Variants in SUGCT observed in about 807,000 individuals in gnomAD.
The protein encoded by SUGCT is succinyl-CoA:glutarate CoA-transferase.
SUGCT carries 41 observed loss-of-function variants against 55.0 expected under a neutral mutation model. That is an observed-to-expected ratio of 0.74 (90% CI 0.58 to 0.97). The LOEUF is 0.97. SUGCT is among the 50% of genes least tolerant of loss of function. The probability of loss-of-function intolerance (pLI) is 0.00; values close to 1 mark genes in which losing one functional copy is unlikely to be tolerated. For missense variants in SUGCT, 568 were observed against 547.8 expected (o/e 1.04, Z -0.37); for synonymous variants, 187 against 200.4 (o/e 0.93, Z 0.56).
At chr7:40,953,235 T>G in the SUGCT span, among the ~76,000 whole-genome samples, 7 of 152,240 alleles carry the variant, frequency 4.6e-5, no homozygotes, top group Admixed American at 4.6e-4. Context: ...TTCTTCCAGT[T>G]GATCGAATCG....
intron 13 of SUGCT, among the ~76,000 whole-genome samples, chr7:40,766,364 C>T (rs1310013021): frequency 6.6e-6 from 1 of 152,134 alleles, no homozygotes; most frequent in Non-Finnish European, 1.5e-5. Flanking sequence ...ACACATGCCA[C>T]CACACCCAGC....
At chr7:40,482,616 G>A (rs1167967121) in intron 11 of SUGCT, among the ~76,000 whole-genome samples, 4 of 152,126 alleles carry the variant, frequency 2.6e-5, no homozygotes, top group Admixed American at 1.3e-4. Context: ...ACCAGACGTC[G>A]GTAATGTGGG....
intron 9 of SUGCT, among the ~76,000 whole-genome samples, chr7:40,355,030 G>T (rs867577555): frequency 9.2e-5 from 14 of 152,014 alleles, no homozygotes; most frequent in African/African-American, 3.1e-4. Context: ...TCATTAGTTT[G>T]GCTCCTGCCT....
rs370928970 is a variant in SUGCT at position 40,324,226 on chromosome 7, CATAT to C, written c.816+7377_816+7380del. The stretch of plus-strand genomic sequence containing the variant: ...ATACTTCATAGGATAAGCAGATGAT[CATAT>C]ATATAAATAAATAAATAAATAAATA... On this transcript the variant is annotated intron_variant, in intron 9 of 13. Transcript: ENST00000335693. Among the ~76,000 whole-genome samples the C allele has an allele frequency of 4.2e-3, 335 of 79,316 alleles. 15 individuals are homozygous for C. Among genetic ancestry groups the C allele is most frequent in the African/African-American group, 0.011 (244 of 22,258 alleles). The allele number at this position is 79,316 out of a possible 152,430, so 52.0% of individuals were successfully genotyped here.
chr7:40,356,475 GT>G (rs1262269521), intron 9 of SUGCT, among the ~76,000 whole-genome samples: 1 of 152,242 alleles, frequency 6.6e-6, no homozygotes, highest in East Asian at 1.9e-4. Context: ...GTGCTGTGTA[GT>G]GAGTGGAGTG....
the SUGCT span, among the ~76,000 whole-genome samples, chr7:40,882,967 A>G: frequency 6.6e-6 from 1 of 152,158 alleles, no homozygotes; most frequent in Non-Finnish European, 1.5e-5. Flanking sequence ...TGCTTCTAGT[A>G]TATGTGGATC....
Position 40,645,234 on chromosome 7 carries a change from G to A in SUGCT, c.1090-104200G>A, listed in dbSNP as rs1485531006. ...CTGCTCTGCCTAAAATGTCCTCATC[G>A]CTCTTAGGGAGTTGGACAAGGAGAT... is the stretch of plus-strand genomic sequence containing the variant. On this transcript the variant is annotated intron_variant, in intron 12 of 13. Coordinates refer to ENST00000335693, the MANE Select transcript of SUGCT (RefSeq NM_001193313.2). Among the ~76,000 whole-genome samples, 5 of 152,068 alleles carry A rather than the reference G, an allele frequency of 3.3e-5. No individual in the cohort carries two copies. In the East Asian group the frequency reaches 5.8e-4, roughly 18 times the overall value.
At chr7:40,223,251 G>A (rs2150832852) in intron 6 of SUGCT, among the ~76,000 whole-genome samples, 1 of 152,128 alleles carries the variant, frequency 6.6e-6, no homozygotes, top group South Asian at 2.1e-4. Context: ...AATAGAGATG[G>A]GGTTTCACCA....
At chr7:40,420,803 A>C (rs1039495021) in intron 9 of SUGCT, among the ~76,000 whole-genome samples, 3 of 151,540 alleles carry the variant, frequency 2.0e-5, no homozygotes, top group African/African-American at 7.3e-5. Flanking sequence ...ACACACACAG[A>C]CACACACACA....
At chr7:40,587,872 C>T (rs946122050) in intron 12 of SUGCT, among the ~76,000 whole-genome samples, 2 of 151,134 alleles carry the variant, frequency 1.3e-5, no homozygotes, top group Non-Finnish European at 2.9e-5. Context: ...TTTATATCCT[C>T]CTTTTATATT....
At chr7:40,948,609 C>T in the SUGCT span, among the ~76,000 whole-genome samples, 1 of 151,990 alleles carries the variant, frequency 6.6e-6, no homozygotes, top group South Asian at 2.1e-4. Flanking sequence ...TCCCCTTTCC[C>T]CCACCCGCCG....
chr7:40,938,621 C>T, the SUGCT span, among the ~76,000 whole-genome samples: 1 of 151,086 alleles, frequency 6.6e-6, no homozygotes, highest in African/African-American at 2.4e-5. Context: ...TACATTGTAC[C>T]CAATATCTAT....
chr7:40,259,359 A>G lies in SUGCT; in HGVS notation c.577-15154A>G, dbSNP rs145341439. Among the ~76,000 whole-genome samples the G allele has an allele frequency of 6.5e-3, 989 of 152,256 alleles. 10 individuals carry two copies. Among genetic ancestry groups the G allele is most frequent in the African/African-American group, 0.023 (950 of 41,532 alleles). ...AATGCAGCTTGAGGGATACATATAT[A>G]CTGAGGGTCAATTTGCATATATTTG... On this transcript the variant is annotated intron_variant, in intron 7 of 13. Coordinates refer to ENST00000335693, the MANE Select transcript of SUGCT (RefSeq NM_001193313.2).
At chr7:41,011,535 A>C in the SUGCT span, among the ~76,000 whole-genome samples, 18 of 152,372 alleles carry the variant, frequency 1.2e-4, no homozygotes, top group Middle Eastern at 3.4e-3. Context: ...GCAGAAACTC[A>C]GACCATACCC....
chr7:40,566,011 A>G (rs184816480), intron 12 of SUGCT, among the ~76,000 whole-genome samples: 14 of 147,712 alleles, frequency 9.5e-5, no homozygotes, highest in East Asian at 8.3e-4. Flanking sequence ...ACACACACAC[A>G]CACACACACA....
intron 6 of SUGCT, among the ~76,000 whole-genome samples, chr7:40,220,403 A>G (rs916357430): frequency 2.0e-5 from 3 of 152,200 alleles, no homozygotes; most frequent in Admixed American, 1.3e-4. Context: ...CAACTTGACT[A>G]TATCAGGAGG....
intron 12 of SUGCT, among the ~76,000 whole-genome samples, chr7:40,669,906 A>G (rs1801848736): frequency 6.6e-6 from 1 of 151,986 alleles, no homozygotes; most frequent in East Asian, 1.9e-4. Context: ...AGCTCACCAA[A>G]TTTGTTAAGA....
the SUGCT span, among the ~76,000 whole-genome samples, chr7:40,986,971 A>G: frequency 6.6e-6 from 1 of 152,198 alleles, no homozygotes; most frequent in Non-Finnish European, 1.5e-5. Flanking sequence ...TTGCACTTAC[A>G]TAATCTGTAT....
intron 12 of SUGCT, among the ~76,000 whole-genome samples, chr7:40,673,842 G>A (rs1216459768): frequency 6.6e-6 from 1 of 152,116 alleles, no homozygotes; most frequent in Non-Finnish European, 1.5e-5. Flanking sequence ...TTGTGACTTT[G>A]TACTGTTGGA....
Sources: allele counts gnomAD v4.1 joint callset (sites outside exome capture counted in the v4.1 genomes callset), GRCh38; gene constraint gnomAD v4.1.1; transcripts MANE v1.5; gene names NCBI Gene and HGNC (gene_info 2026-07-23, HGNC 2026-07-21).